The following PALM2AKAP2 variants were observed in gnomAD, a reference collection of about 807,000 sequenced individuals.
PALM2AKAP2 encodes the protein PALM2-AKAP2 fusion protein.
A neutral mutation model predicts 71.5 loss-of-function variants in PALM2AKAP2; 37 were observed. The ratio of observed to expected loss-of-function variants is 0.52; its 90% CI spans 0.40 to 0.68. The LOEUF is 0.68. Among genes scored for constraint, PALM2AKAP2 ranks in the 30% least tolerant of loss-of-function variants. The pLI is 0.00. For synonymous variants in PALM2AKAP2, 468 were observed against 478.8 expected (o/e 0.98, Z 0.29); for missense variants, 1,224 against 1,191.8 (o/e 1.03, Z -0.40).
At chr9:109,824,116 T>C (rs1408109693) in intron 1 of PALM2AKAP2, among the ~76,000 whole-genome samples, 1 of 152,112 alleles carries the variant, frequency 6.6e-6, no homozygotes, top group Non-Finnish European at 1.5e-5. Context: ...CTCAAACTCC[T>C]AGGCTCAAGT....
chr9:109,808,132 C>A (rs781478148), intron 1 of PALM2AKAP2, among the ~76,000 whole-genome samples: 2 of 152,112 alleles, frequency 1.3e-5, no homozygotes, highest in Admixed American at 6.5e-5. Context: ...GAGTGAGGTG[C>A]TACTGTAAAG....
At chr9:109,716,906 G>A (rs540517375) in intron 1 of PALM2AKAP2, among the ~76,000 whole-genome samples, 1 of 152,222 alleles carries the variant, frequency 6.6e-6, no homozygotes, top group Non-Finnish European at 1.5e-5. Context: ...ATGAGGTTTT[G>A]GGGAATCAGA....
intron 1 of PALM2AKAP2, among the ~76,000 whole-genome samples, chr9:109,830,471 G>C (rs1828267437): frequency 6.6e-6 from 1 of 152,148 alleles, no homozygotes. Flanking sequence ...CTCTGATCTA[G>C]GTCCAACTGC....
chr9:110,046,399 T>C (rs747012770), upstream of PALM2AKAP2, among the ~76,000 whole-genome samples: 36 of 152,066 alleles, frequency 2.4e-4, no homozygotes, highest in Non-Finnish European at 4.3e-4. Flanking sequence ...AAATTAATAT[T>C]AACAAAGCAT....
At chr9:109,892,069 C>T (rs1427782561) in intron 3 of PALM2AKAP2, among the ~76,000 whole-genome samples, 1 of 152,166 alleles carries the variant, frequency 6.6e-6, no homozygotes, top group Non-Finnish European at 1.5e-5. Context: ...TCTTGGTTAC[C>T]TACTGTGTTC....
intron 6 of PALM2AKAP2, among the ~76,000 whole-genome samples, chr9:109,984,742 G>A (rs1484879830): frequency 6.8e-6 from 1 of 147,204 alleles, no homozygotes; most frequent in Non-Finnish European, 1.5e-5. Flanking sequence ...GTGTGGTGGA[G>A]TGCCTTTAAT....
intron 1 of PALM2AKAP2, among the ~76,000 whole-genome samples, chr9:109,846,337 G>T (rs182215475): frequency 1.5e-3 from 235 of 152,242 alleles, no homozygotes; most frequent in African/African-American, 5.5e-3. Context: ...TGGTCTCATG[G>T]CTGCCACCCA....
intron 1 of PALM2AKAP2, among the ~76,000 whole-genome samples, chr9:109,846,758 C>T (rs1027104273): frequency 6.6e-6 from 1 of 152,210 alleles, no homozygotes; most frequent in Non-Finnish European, 1.5e-5. Flanking sequence ...TCCCTCACTC[C>T]CTTCCTTCCT....
At chr9:109,684,310 G>A (rs901598670) in intron 1 of PALM2AKAP2, among the ~76,000 whole-genome samples, 1 of 152,126 alleles carries the variant, frequency 6.6e-6, no homozygotes, top group Admixed American at 6.5e-5. Context: ...CTCTGGCTAT[G>A]CGTTGGAACC....
intron 3 of PALM2AKAP2, among the ~76,000 whole-genome samples, chr9:109,922,091 A>C (rs1372264477): frequency 6.6e-6 from 1 of 151,992 alleles, no homozygotes; most frequent in African/African-American, 2.4e-5. Context: ...TTTAGGTCTA[A>C]GTCTAATGGC....
chr9:110,082,783 G>A (rs181882943), intron 1 of PALM2AKAP2, among the ~76,000 whole-genome samples: 3 of 152,326 alleles, frequency 2.0e-5, no homozygotes, highest in Admixed American at 2.0e-4. Flanking sequence ...TTGTGCAACT[G>A]TTGCCAACAT....
chr9:110,060,173 T>G (rs531899), intron 1 of PALM2AKAP2, among the ~76,000 whole-genome samples: 34,868 of 151,880 alleles, frequency 0.23, 4,308 homozygotes, highest in African/African-American at 0.32. Context: ...AATGCAATGG[T>G]GCGATTTCGG....
chr9:109,793,124 G>A (rs77372027), intron 1 of PALM2AKAP2, among the ~76,000 whole-genome samples: 3 of 152,324 alleles, frequency 2.0e-5, no homozygotes, highest in Non-Finnish European at 4.4e-5. Flanking sequence ...GGCAAGTGTT[G>A]GAAGGATAAG....
chr9:109,839,259 A>C (rs1391580031), intron 1 of PALM2AKAP2, among the ~76,000 whole-genome samples: 1 of 152,250 alleles, frequency 6.6e-6, no homozygotes, highest in African/African-American at 2.4e-5. Context: ...GTAATCCAGC[A>C]TATAAACAGA....
intron 1 of PALM2AKAP2, among the ~76,000 whole-genome samples, chr9:109,646,078 T>G (rs556629388): frequency 6.6e-6 from 1 of 152,126 alleles, no homozygotes; most frequent in Non-Finnish European, 1.5e-5. Flanking sequence ...GAAGTTAAAA[T>G]TTTTCTTAGT....
chr9:109,984,145 C>A (rs956739209), intron 6 of PALM2AKAP2, among the ~76,000 whole-genome samples: 2 of 152,056 alleles, frequency 1.3e-5, no homozygotes, highest in Admixed American at 6.6e-5. Flanking sequence ...AGACCCTTAA[C>A]CCTATATATT....
At chr9:109,822,811 C>G (rs753206508) in intron 1 of PALM2AKAP2, among the ~76,000 whole-genome samples, 2 of 152,102 alleles carry the variant, frequency 1.3e-5, no homozygotes, top group African/African-American at 2.4e-5. Flanking sequence ...CTGTTGTGAA[C>G]AGTGCTGTGA....
intron 1 of PALM2AKAP2, among the ~76,000 whole-genome samples, chr9:109,717,512 T>C (rs1828343073): frequency 1.3e-5 from 2 of 152,118 alleles, no homozygotes; most frequent in Non-Finnish European, 2.9e-5. Context: ...GCAGAAACAG[T>C]TGGAGAGGCA....
chr9:109,997,256 G>A (rs1832591620), intron 6 of PALM2AKAP2, among the ~76,000 whole-genome samples: 1 of 152,116 alleles, frequency 6.6e-6, no homozygotes, highest in Non-Finnish European at 1.5e-5. Flanking sequence ...TCCATCACTT[G>A]TTAGCTCAGT....
Sources: allele counts gnomAD v4.1 joint callset (sites outside exome capture counted in the v4.1 genomes callset), GRCh38; gene constraint gnomAD v4.1.1; transcripts MANE v1.5; gene names NCBI Gene and HGNC (gene_info 2026-07-23, HGNC 2026-07-21).